SFI1: variants seen among roughly 807,000 people sequenced by gnomAD.
SFI1 encodes SFI1 centrin binding protein.
SFI1 carries 195 observed loss-of-function variants against 207.5 expected under a neutral mutation model. That is an observed-to-expected ratio of 0.94 (90% CI 0.84 to 1.06). The LOEUF is 1.06. SFI1 is among the 50% of genes least tolerant of loss of function. The pLI is 0.00. For missense variants in SFI1, 1,634 were observed against 1,588.0 expected (o/e 1.03, Z -0.49); for synonymous variants, 630 against 598.9 (o/e 1.05, Z -0.76).
At chr22:31,526,026 A>G (rs1203945890) in intron 2 of SFI1, among the ~76,000 whole-genome samples, 1 of 152,140 alleles carries the variant, frequency 6.6e-6, no homozygotes, top group African/African-American at 2.4e-5. Flanking sequence ...GCCTGTGTGC[A>G]TTTTAGCATG....
intron 20 of SFI1, chr22:31,605,288 C>T (rs73881392): frequency 0.013 from 2,297 of 177,398 alleles, 50 homozygotes; most frequent in African/African-American, 0.05. Context: ...GCTTCAGCGA[C>T]TCCCTTTCCT....
At position 31,549,454 on chromosome 22, in the gene SFI1, TCTCCTGCCTCAGCCTCC is replaced by T. The variant is rs773545163; in HGVS notation, c.450-782_450-766del. Among the ~76,000 whole-genome samples, 545 of 151,694 alleles carry T rather than the reference TCTCCTGCCTCAGCCTCC, an allele frequency of 3.6e-3. 5 individuals carry two copies. Among genetic ancestry groups the T allele is most frequent in the Non-Finnish European group, 6.0e-3 (405 of 67,866 alleles). ...CCACTGCCTCCCAGGTTCAAGCCAT[TCTCCTGCCTCAGCCTCC>T]CTCCTGCCTCAGCCTCCTGAGTAGC... On this transcript the variant is annotated intron_variant, in intron 5 of 32. Coordinates refer to ENST00000400288, the MANE Select transcript of SFI1 (RefSeq NM_001007467.3).
At position 31,566,174 on chromosome 22, in the gene SFI1, A is replaced by G. The variant is rs2062286191; in HGVS notation, c.765+4782A>G. Among the ~76,000 whole-genome samples, 4 of 151,202 alleles carry G rather than the reference A, an allele frequency of 2.6e-5. No homozygotes were observed. In the South Asian group the frequency reaches 8.3e-4, roughly 32 times the overall value. ...AGTGGCACAATCTCAGCTCACTGCA[A>G]TCTCCGCCTCCCAGGTTCAAGCAAT... is the stretch of plus-strand genomic sequence containing the variant. On this transcript the variant is annotated intron_variant, in intron 8 of 32. Transcript: ENST00000400288.
chr22:31,587,478 T>C, intron 14 of SFI1: 1 of 60,754 alleles, frequency 1.6e-5, no homozygotes, highest in Non-Finnish European at 4.1e-5. Flanking sequence ...AATGTTTGTG[T>C]TTTGTTTTTT....
chr22:31,555,353 G>C (rs1412793944), intron 6 of SFI1, among the ~76,000 whole-genome samples: 1 of 152,146 alleles, frequency 6.6e-6, no homozygotes, highest in Non-Finnish European at 1.5e-5. Flanking sequence ...GCCAGGTGTG[G>C]TGGTGCATGC....
chr22:31,558,902 T>G (rs183787376), intron 7 of SFI1, among the ~76,000 whole-genome samples: 1 of 152,186 alleles, frequency 6.6e-6, no homozygotes. Flanking sequence ...CTGCAAGCTC[T>G]GCTTCCTGGG....
At chr22:31,546,825 T>A in intron 4 of SFI1, 36 bp from the exon 5 acceptor site, 1 of 1,352,920 alleles carries the variant, frequency 7.4e-7, no homozygotes, top group Non-Finnish European at 1.0e-6. Flanking sequence ...AGCTCCAACA[T>A]CATCATATAT....
At chr22:31,524,361 G>A (rs988485374) in intron 2 of SFI1, among the ~76,000 whole-genome samples, 2 of 151,784 alleles carry the variant, frequency 1.3e-5, no homozygotes, top group Non-Finnish European at 1.5e-5. Context: ...GCATTTCTTC[G>A]TATATGTGTT....
rs1028534742 is a variant in SFI1 at position 31,618,582 on chromosome 22, C to T, written c.*164C>T. On this transcript the variant is annotated 3_prime_UTR_variant, in exon 33 of 33. Coordinates refer to ENST00000400288, the MANE Select transcript of SFI1 (RefSeq NM_001007467.3). ...CCACTTTTCATACAAAAATACTGTGCTACTGATACAGTTGAAAAAATTCAA... is the reference window on the plus strand; with the variant it reads ...CCACTTTTCATACAAAAATACTGTGTTACTGATACAGTTGAAAAAATTCAA... 3 of 639,030 alleles carry T rather than the reference C, an allele frequency of 4.7e-6. No individual in the cohort carries two copies. In the East Asian group the frequency reaches 9.8e-5, roughly 21 times the overall value. The allele number at this position is 639,030 out of a possible 1,614,324, so 39.6% of individuals were successfully genotyped here. A position where few individuals can be genotyped will look rare whatever the true frequency, so the allele number is the denominator to read the frequency against.
At chr22:31,498,512 G>A (rs1341987194) in intron 1 of SFI1, among the ~76,000 whole-genome samples, 1 of 151,760 alleles carries the variant, frequency 6.6e-6, no homozygotes, top group East Asian at 1.9e-4. Context: ...TTAGCTGGGT[G>A]TGGTGGTGGG....
At chr22:31,545,529 T>G (rs919993257) in intron 4 of SFI1, among the ~76,000 whole-genome samples, 13 of 151,808 alleles carry the variant, frequency 8.6e-5, no homozygotes, top group African/African-American at 3.1e-4. Flanking sequence ...TCTTATTTTT[T>G]GGGTAGAGAT....
chr22:31,564,757 G>A (rs1276318429), intron 8 of SFI1, among the ~76,000 whole-genome samples: 2 of 148,936 alleles, frequency 1.3e-5, no homozygotes, highest in African/African-American at 2.5e-5. Flanking sequence ...TGATCCACCC[G>A]CCTCGGCCTC....
intron 4 of SFI1, among the ~76,000 whole-genome samples, chr22:31,531,530 C>T (rs999938238): frequency 7.9e-5 from 12 of 151,920 alleles, no homozygotes; most frequent in African/African-American, 1.9e-4. Context: ...GAGGCCGAGG[C>T]GGGTGAATCA....
intron 1 of SFI1, among the ~76,000 whole-genome samples, chr22:31,499,004 C>T (rs972458762): frequency 1.3e-5 from 2 of 151,142 alleles, no homozygotes; most frequent in African/African-American, 4.9e-5. Flanking sequence ...ACTACATGCC[C>T]GGCTTTGTTT....
At chr22:31,608,773 G>A (rs1027307761) in intron 22 of SFI1, among the ~76,000 whole-genome samples, 2 of 151,962 alleles carry the variant, frequency 1.3e-5, no homozygotes, top group East Asian at 3.9e-4. Flanking sequence ...TGTGTAGCTG[G>A]GCCCTTAAAT....
At chr22:31,593,982 GGAGACGA>G (rs2066608535) in intron 15 of SFI1, among the ~76,000 whole-genome samples, 7 of 130,866 alleles carry the variant, frequency 5.3e-5, no homozygotes, top group Non-Finnish European at 6.9e-5. Context: ...ATGGGGAGAC[GGAGACGA>G]GGGAGAGGGA....
chr22:31,565,391 G>C (rs1469600059), intron 8 of SFI1, among the ~76,000 whole-genome samples: 1 of 151,880 alleles, frequency 6.6e-6, no homozygotes, highest in African/African-American at 2.4e-5. Flanking sequence ...GCAATATAAT[G>C]AGACCCCATC....
intron 20 of SFI1, 72 bp downstream of exon 20, chr22:31,605,017 G>T (rs1161032596): frequency 1.4e-6 from 2 of 1,383,192 alleles, no homozygotes; most frequent in East Asian, 5.2e-5. Context: ...AGCCTTTTAG[G>T]GGGTCCTGCT....
At chr22:31,532,097 A>G (rs998383372) in intron 4 of SFI1, among the ~76,000 whole-genome samples, 13 of 152,116 alleles carry the variant, frequency 8.5e-5, no homozygotes, top group Non-Finnish European at 1.3e-4. Context: ...AGAATAAAAA[A>G]GAATCATACT....
Sources: allele counts gnomAD v4.1 joint callset (sites outside exome capture counted in the v4.1 genomes callset), GRCh38; gene constraint gnomAD v4.1.1; transcripts MANE v1.5; gene names NCBI Gene and HGNC (gene_info 2026-07-23, HGNC 2026-07-21).